THOP1: variants seen among roughly 807,000 people sequenced by gnomAD.
The protein encoded by THOP1 is thimet oligopeptidase.
Under a neutral mutation model 71.8 loss-of-function variants are expected in THOP1, and 49 were observed. That is an observed-to-expected ratio of 0.68 (90% CI 0.54 to 0.87). The LOEUF is 0.87. Ranked by LOEUF, THOP1 falls within the 40% of genes least tolerant of loss-of-function variation. The pLI, the probability that THOP1 is intolerant of heterozygous loss-of-function variation, is 0.00. For missense variants in THOP1, 843 were observed against 975.6 expected (o/e 0.86, Z 1.81); for synonymous variants, 426 against 421.5 (o/e 1.01, Z -0.13).
chr19:2,785,709 C>T lies in THOP1; in HGVS notation c.16+31C>T, dbSNP rs371869861. ...GACTACCCCGCTCGCCGGACCCGGG[C>T]GTCCCCTGCACCCTCGCTCCTCCCG... On this transcript the variant is annotated intron_variant, in intron 1 of 12. Transcript: ENST00000307741. The T allele has an allele frequency of 8.9e-4, 1,274 of 1,426,750 alleles. 1 individual carries two copies. Among genetic ancestry groups the T allele is most frequent in the Non-Finnish European group, 1.1e-3 (1,212 of 1,084,158 alleles). 88.4% of individuals were successfully genotyped at this position (1,426,750 alleles called of 1,614,324 possible).
Position 2,813,137 on chromosome 19 carries a change from G to C in THOP1, c.1931G>C (p.Cys644Ser), listed in dbSNP as rs750445432. The C allele has an allele frequency of 6.2e-7, 1 of 1,611,384 alleles. No individual in the cohort carries two copies. The highest frequency in any genetic ancestry group is 1.1e-5 in the South Asian group (1 of 90,814). ...NSKVGMDYRS[C>S]ILRPGGSEDA... The stretch of plus-strand genomic sequence containing the variant: ...CAGGTTGGCATGGATTACAGAAGCT[G>C]CATCCTGAGACCCGGCGGTTCCGAG... The change falls in exon 13 of 13, where the codon TGC becomes TCC. Residue 644 changes from cysteine to serine, a missense_variant. Physicochemically the swap from Cys to Ser is moderately radical, Grantham distance 112 (BLOSUM62 -1). Coordinates refer to ENST00000307741, the MANE Select transcript of THOP1 (RefSeq NM_003249.5).
chr19:2,799,624 G>T, intron 4 of THOP1, 65 bp from the exon 5 acceptor site: 1 of 1,348,500 alleles, frequency 7.4e-7, no homozygotes, highest in Non-Finnish European at 1.1e-6. Flanking sequence ...GTTCCCAGGC[G>T]TTGCGTCTCC....
At position 2,799,772 on chromosome 19, in the gene THOP1, C is replaced by G. The variant is rs746205011; in HGVS notation, c.570C>G (p.Pro190=). The G allele has an allele frequency of 1.2e-6, 2 of 1,613,892 alleles. No individual in the cohort carries two copies. The highest frequency in any genetic ancestry group is 1.7e-5 in the Admixed American group (1 of 60,026). ...TGAACGAGGACACGACCTTCCTGCC[C>G]TTCACGCTCCAGGAGCTAGGTAGGG... ...KNLNEDTTFL[P]FTLQELGGLP... is the part of the protein sequence containing the mutation. Residue 190 remains proline, a synonymous_variant, in exon 5 of 13, where the codon CCC becomes CCG. Coordinates refer to ENST00000307741, the MANE Select transcript of THOP1 (RefSeq NM_003249.5).
At chr19:2,810,064 C>T in intron 9 of THOP1, 1 of 568,118 alleles carries the variant, frequency 1.8e-6, no homozygotes, top group Non-Finnish European at 3.1e-6. Flanking sequence ...CGTGGGTGGC[C>T]TCCAGGGACG....
rs536831325 is a variant in THOP1, at chr19:2,813,344, A to T, written c.*68A>T. The T allele has an allele frequency of 6.8e-7, 1 of 1,479,038 alleles. No homozygotes were observed. The highest frequency in any genetic ancestry group is 1.4e-5 in the African/African-American group (1 of 71,846). 91.6% of individuals were successfully genotyped at this position (1,479,038 alleles called of 1,614,324 possible). ...GCCCTGGTGCCTTAGCCCCCGGCACAGGATGGGGCAGGCTCTGGCACAGTG... is the reference window on the plus strand; with the variant it reads ...GCCCTGGTGCCTTAGCCCCCGGCACTGGATGGGGCAGGCTCTGGCACAGTG... On this transcript the variant is annotated 3_prime_UTR_variant, in exon 13 of 13. Transcript: ENST00000307741.
chr19:2,793,313 G>A (rs77004350), intron 2 of THOP1, among the ~76,000 whole-genome samples: 2,970 of 152,072 alleles, frequency 0.02, 96 homozygotes, highest in African/African-American at 0.067. Flanking sequence ...AAGTGGTCAC[G>A]CTCCATCTCC....
At chr19:2,813,094 A>C (rs1242686454) in intron 12 of THOP1, 21 bp from the exon 13 acceptor site, 1 of 1,596,184 alleles carries the variant, frequency 6.3e-7, no homozygotes, top group Non-Finnish European at 8.6e-7. Context: ...ACCCGGCCAC[A>C]GTGCCCTGTC....
intron 1 of THOP1, among the ~76,000 whole-genome samples, chr19:2,788,744 G>C (rs1408236030): frequency 1.3e-5 from 2 of 152,158 alleles, no homozygotes; most frequent in Admixed American, 1.3e-4. Context: ...CTCCCAAAGT[G>C]TTGGGATTAC....
intron 3 of THOP1, 23 bp from the exon 4 acceptor site, chr19:2,796,058 A>G (rs1275449211): frequency 3.1e-6 from 5 of 1,600,514 alleles, no homozygotes; most frequent in East Asian, 2.2e-5. Flanking sequence ...CACGTCCTAC[A>G]TGCTTTGATG....
At position 2,813,905 on chromosome 19, in the gene THOP1, G is replaced by C. The variant is rs1175882881; in HGVS notation, c.*629G>C. 1 of 152,446 alleles carries C rather than the reference G, an allele frequency of 6.6e-6. No individual in the cohort carries two copies. The highest frequency in any genetic ancestry group is 1.9e-4 in the East Asian group (1 of 5,180). 9.4% of individuals were successfully genotyped at this position (152,446 alleles called of 1,614,324 possible). A position where few individuals can be genotyped will look rare whatever the true frequency, so the allele number is the denominator to read the frequency against. The stretch of plus-strand genomic sequence containing the variant: ...CCAGGCTCCACTGGTCAGAGAGTCT[G>C]GAAAGTCAGGGCAGGCCCTGTGCGC... On this transcript the variant is annotated 3_prime_UTR_variant, in exon 13 of 13. Coordinates refer to ENST00000307741, the MANE Select transcript of THOP1 (RefSeq NM_003249.5).
intron 10 of THOP1, 46 bp from the exon 11 acceptor site, chr19:2,810,594 G>A: frequency 6.5e-7 from 1 of 1,536,506 alleles, no homozygotes; most frequent in South Asian, 1.2e-5. Flanking sequence ...GGCAGAGTGG[G>A]CCGGGGCAGG....
chr19:2,793,402 C>T (rs1048032046), intron 2 of THOP1, among the ~76,000 whole-genome samples: 37 of 152,010 alleles, frequency 2.4e-4, no homozygotes, highest in African/African-American at 8.0e-4. Flanking sequence ...GTAGAAATGG[C>T]ACCACATGGC....
At chr19:2,808,734 C>G (rs1055480276) in intron 9 of THOP1, among the ~76,000 whole-genome samples, 4 of 152,218 alleles carry the variant, frequency 2.6e-5, no homozygotes, top group African/African-American at 9.6e-5. Context: ...CTCGAGGTCC[C>G]TCCTTGGCTT....
At chr19:2,811,074 G>A (rs1416566077) in intron 11 of THOP1, among the ~76,000 whole-genome samples, 2 of 152,220 alleles carry the variant, frequency 1.3e-5, no homozygotes, top group Non-Finnish European at 2.9e-5. Flanking sequence ...AAAGCCTGGA[G>A]AAGTACAGGA....
chr19:2,810,662 C>T lies in THOP1; in HGVS notation c.1665C>T (p.Ile555=), dbSNP rs765221406. 5.7e-5 allele frequency: 89 copies of T among 1,558,106 alleles called. 1 individual carries two copies. The South Asian group carries it at 8.5e-4, about 15-fold the overall frequency. Residue 555 remains isoleucine (I), a synonymous_variant, in exon 11 of 13, where the codon ATC becomes ATT. Transcript: ENST00000307741. ...CAGGCCTCTTCAACCTGCGCCAGAT[C>T]GTCCTCGCCAAGGTGGACCAGGCCC... ...ANTGLFNLRQ[I]VLAKVDQALH...
intron 10 of THOP1, 43 bp downstream of exon 10, chr19:2,810,533 C>T (rs1159284606): frequency 7.2e-6 from 11 of 1,528,780 alleles, no homozygotes; most frequent in South Asian, 2.4e-5. Flanking sequence ...CCTCGGGGGG[C>T]GGCACACAGC....
chr19:2,807,856 C>A, intron 8 of THOP1, 48 bp downstream of exon 8: 1 of 1,423,290 alleles, frequency 7.0e-7, no homozygotes. Context: ...CCCTGGGTCT[C>A]CTCGGAGCCC....
In THOP1 at chr19:2,811,735, G is replaced by A; in HGVS notation, c.1908+1G>A. 1 of 1,574,994 alleles carries A rather than the reference G, an allele frequency of 6.3e-7. No individual in the cohort carries two copies. Among genetic ancestry groups the A allele is most frequent in the Non-Finnish European group, 8.6e-7 (1 of 1,158,300 alleles). On this transcript the variant is annotated splice_donor_variant, in intron 12 of 12. Transcript: ENST00000307741. LOFTEE classifies it high-confidence loss of function. Reference sequence around the variant, plus strand: ...GCAGGAGGGTGTCCTGAACAGCAAGGTACGCGGGGACTGGGGACAGGGAGG... The same window carrying A: ...GCAGGAGGGTGTCCTGAACAGCAAGATACGCGGGGACTGGGGACAGGGAGG...
At chr19:2,791,155 G>T (rs1437640830) in intron 2 of THOP1, among the ~76,000 whole-genome samples, 1 of 152,198 alleles carries the variant, frequency 6.6e-6, no homozygotes, top group Non-Finnish European at 1.5e-5. Flanking sequence ...CTCACCCTCA[G>T]CCCGATCCTC....
Sources: allele counts gnomAD v4.1 joint callset (sites outside exome capture counted in the v4.1 genomes callset), GRCh38; gene constraint gnomAD v4.1.1; transcripts MANE v1.5; gene names NCBI Gene and HGNC (gene_info 2026-07-23, HGNC 2026-07-21).